The following NCOA5 variants were observed in gnomAD, a reference collection of about 807,000 sequenced individuals.
The protein encoded by NCOA5 is nuclear receptor coactivator 5.
A neutral mutation model predicts 59.0 loss-of-function variants in NCOA5; 12 were observed. The observed-to-expected ratio is 0.20, with a 90% confidence interval of 0.13 to 0.33. The LOEUF is 0.33. Ranked by LOEUF, NCOA5 falls within the 10% of genes least tolerant of loss-of-function variation. The pLI is 1.00. For synonymous variants in NCOA5, 270 were observed against 275.5 expected (o/e 0.98, Z 0.20); for missense variants, 655 against 766.6 (o/e 0.85, Z 1.72).
chr20:46,068,771 G>T, intron 3 of NCOA5, 133 bp from the exon 4 acceptor site: 1 of 792,748 alleles, frequency 1.3e-6, no homozygotes, highest in Non-Finnish European at 1.9e-6. Context: ...CTGTGGCTGT[G>T]ATAGAGTTAA....
chr20:46,069,942 G>A (rs1415108955), intron 3 of NCOA5, among the ~76,000 whole-genome samples: 1 of 152,110 alleles, frequency 6.6e-6, no homozygotes, highest in Non-Finnish European at 1.5e-5. Context: ...GTTTTCCATA[G>A]TGGCTATACC....
chr20:46,063,190 G>C (rs2084786163), intron 7 of NCOA5, 170 bp downstream of exon 7: 1 of 669,766 alleles, frequency 1.5e-6, no homozygotes, highest in Non-Finnish European at 2.5e-6. Flanking sequence ...CAAATATAAA[G>C]TTATTATTAA....
chr20:46,068,603 T>A lies in NCOA5; in HGVS notation c.401A>T (p.Asp134Val), dbSNP rs772496094. 1.1e-5 allele frequency: 17 copies of A among 1,613,702 alleles called. 1 individual carries two copies. In the South Asian group the frequency reaches 1.9e-4, roughly 18 times the overall value. ...GTCATCCTTTCTCCTGCAATAGTCA[T>A]CCATTCGTAGGTATCGGTCATAAGA... ...EGSYDRYLRM[D>V]DYCRRKDDSY... The change falls in exon 4 of 8, where the codon GAT becomes GTT. Residue 134 changes from aspartate to valine, a missense_variant. By Grantham distance (152) the Asp-to-Val change is radical (BLOSUM62 -3). Coordinates refer to ENST00000290231, the MANE Select transcript of NCOA5 (RefSeq NM_020967.3).
At chr20:46,087,448 G>A (rs948669617) in intron 1 of NCOA5, among the ~76,000 whole-genome samples, 1 of 152,126 alleles carries the variant, frequency 6.6e-6, no homozygotes, top group Non-Finnish European at 1.5e-5. Flanking sequence ...ATCAGACTAC[G>A]AAAGTCTTTC....
intron 1 of NCOA5, among the ~76,000 whole-genome samples, chr20:46,087,720 C>A (rs1048305244): frequency 3.3e-5 from 5 of 152,192 alleles, no homozygotes; most frequent in African/African-American, 1.2e-4. Flanking sequence ...CCAGCCTGGG[C>A]AACAAGAGTG....
chr20:46,087,427 A>C (rs1407837041), intron 1 of NCOA5, among the ~76,000 whole-genome samples: 1 of 152,182 alleles, frequency 6.6e-6, no homozygotes, highest in Non-Finnish European at 1.5e-5. Context: ...CAAACCAATA[A>C]ATCTTTTCTC....
chr20:46,079,549 A>C, intron 1 of NCOA5, 96 bp from the exon 2 acceptor site: 2 of 994,146 alleles, frequency 2.0e-6, no homozygotes, highest in Non-Finnish European at 3.1e-6. Flanking sequence ...AAAAACTACA[A>C]TGACAACCAG....
intron 2 of NCOA5, among the ~76,000 whole-genome samples, chr20:46,078,008 TAG>T (rs1485038340): frequency 6.6e-6 from 1 of 152,234 alleles, no homozygotes; most frequent in Admixed American, 6.5e-5. Flanking sequence ...AAGCATTCTT[TAG>T]AGAGAACAGA....
At chr20:46,064,941 G>T in intron 6 of NCOA5, 88 bp downstream of exon 6, 2 of 1,311,840 alleles carry the variant, frequency 1.5e-6, no homozygotes, top group Non-Finnish European at 2.2e-6. Context: ...AGATATAAGA[G>T]TCATTTGCCC....
At chr20:46,064,416 A>T (rs573081975) in intron 6 of NCOA5, among the ~76,000 whole-genome samples, 1 of 152,246 alleles carries the variant, frequency 6.6e-6, no homozygotes, top group Admixed American at 6.5e-5. Flanking sequence ...CTCTGGGCTC[A>T]ATGCATTAAA....
chr20:46,067,288 T>C (rs1257603112), intron 4 of NCOA5, 107 bp from the exon 5 acceptor site: 2 of 1,322,792 alleles, frequency 1.5e-6, no homozygotes, highest in Non-Finnish European at 2.0e-6. Context: ...TCCTCTGGTC[T>C]ATCTCCTAAA....
chr20:46,076,685 A>G (rs16991059), intron 2 of NCOA5, among the ~76,000 whole-genome samples: 5,009 of 152,032 alleles, frequency 0.033, 292 homozygotes, highest in African/African-American at 0.11. Flanking sequence ...GAACTTCATC[A>G]TGTTAAATAA....
chr20:46,085,592 A>G (rs1444027802), intron 1 of NCOA5, among the ~76,000 whole-genome samples: 1 of 152,158 alleles, frequency 6.6e-6, no homozygotes, highest in Non-Finnish European at 1.5e-5. Context: ...CAGAAAGAGA[A>G]AAGTCATCCC....
chr20:46,074,295 A>C (rs1222899568), intron 2 of NCOA5, among the ~76,000 whole-genome samples: 2 of 152,162 alleles, frequency 1.3e-5, no homozygotes, highest in African/African-American at 2.4e-5. Flanking sequence ...AAGAAGACAA[A>C]GCTTCCTGTG....
At chr20:46,080,610 G>A (rs1655210785) in intron 1 of NCOA5, among the ~76,000 whole-genome samples, 1 of 152,084 alleles carries the variant, frequency 6.6e-6, no homozygotes. Context: ...ATTTTATGCT[G>A]CTATTTTGCC....
chr20:46,080,454 A>T (rs2084980588), intron 1 of NCOA5, among the ~76,000 whole-genome samples: 1 of 152,220 alleles, frequency 6.6e-6, no homozygotes, highest in Non-Finnish European at 1.5e-5. Context: ...AACAATTAAT[A>T]GTGTATCTAA....
chr20:46,067,420 T>C (rs1336387044), intron 4 of NCOA5, among the ~76,000 whole-genome samples: 1 of 152,234 alleles, frequency 6.6e-6, no homozygotes, highest in African/African-American at 2.4e-5. Context: ...CTGAGAAGGC[T>C]GATACTAATT....
At chr20:46,066,278 C>T (rs566748158) in intron 5 of NCOA5, among the ~76,000 whole-genome samples, 3 of 152,186 alleles carry the variant, frequency 2.0e-5, no homozygotes, top group African/African-American at 4.8e-5. Flanking sequence ...AACAGGGATG[C>T]AGTGAAACAA....
At chr20:46,068,164 G>A (rs2145528205) in intron 4 of NCOA5, among the ~76,000 whole-genome samples, 1 of 152,220 alleles carries the variant, frequency 6.6e-6, no homozygotes, top group Admixed American at 6.5e-5. Flanking sequence ...GAACTCCTGG[G>A]CTCAAGTGAT....
Sources: gnomAD v4.1 joint callset for allele counts (sites outside exome capture counted in the v4.1 genomes callset) on GRCh38, gnomAD v4.1.1 for gene constraint, MANE v1.5 for transcripts, NCBI Gene and HGNC (gene_info 2026-07-23, HGNC 2026-07-21) for gene names.